The following SEMA6A variants were observed in gnomAD, a reference collection of about 807,000 sequenced individuals.
SEMA6A encodes semaphorin-6A.
A neutral mutation model predicts 96.8 loss-of-function variants in SEMA6A; 25 were observed. That is an observed-to-expected ratio of 0.26 (90% confidence interval 0.19 to 0.36). The LOEUF is 0.36. SEMA6A is among the 10% of genes least tolerant of loss of function. The probability of loss-of-function intolerance (pLI) is 1.00; values close to 1 mark genes in which losing one functional copy is unlikely to be tolerated. For missense variants in SEMA6A, 1,363 were observed against 1,323.1 expected (o/e 1.03, Z -0.47); for synonymous variants, 612 against 518.0 (o/e 1.18, Z -2.46).
At position 116,529,695 on chromosome 5, in the gene SEMA6A, T is replaced by C. The variant is rs1186553714; in HGVS notation, c.-38-24713A>G. On this transcript the variant is annotated intron_variant, in intron 1 of 18. Transcript: ENST00000343348. ...AAGAAAGAGAAAGAAAGAGTTGTTT[T>C]ATGGTTTAAAACTAGGCATTAGCTG... 4.6e-5 allele frequency among the ~76,000 whole-genome samples: 7 copies of C among 152,286 alleles called. No individual in the cohort carries two copies. The East Asian group carries it at 5.8e-4, about 13-fold the overall frequency.
intron 1 of SEMA6A, among the ~76,000 whole-genome samples, chr5:116,563,846 C>T (rs570008596): frequency 6.6e-6 from 1 of 152,312 alleles, no homozygotes; most frequent in South Asian, 2.1e-4. Flanking sequence ...CTTACCCTGC[C>T]AAATAATCAG....
chr5:116,549,791 AAC>A (rs1439943121), intron 1 of SEMA6A, among the ~76,000 whole-genome samples: 3 of 152,174 alleles, frequency 2.0e-5, no homozygotes, highest in Non-Finnish European at 4.4e-5. Context: ...TACAAATTAT[AAC>A]ACTTTTCAGA....
chr5:116,557,851 C>T (rs1760668026), intron 1 of SEMA6A, among the ~76,000 whole-genome samples: 1 of 152,170 alleles, frequency 6.6e-6, no homozygotes, highest in South Asian at 2.1e-4. Flanking sequence ...AGTGGTTGTG[C>T]TGAGATTCAG....
At chr5:116,533,765 A>G (rs923159349) in intron 1 of SEMA6A, among the ~76,000 whole-genome samples, 1 of 152,154 alleles carries the variant, frequency 6.6e-6, no homozygotes, top group African/African-American at 2.4e-5. Flanking sequence ...GATCTTTATC[A>G]GGGGACAAAC....
intron 10 of SEMA6A, 117 bp downstream of exon 10, chr5:116,486,632 T>C: frequency 1.3e-6 from 1 of 794,704 alleles, no homozygotes; most frequent in African/African-American, 1.7e-5. Flanking sequence ...GCTTCTTAGC[T>C]ACACACAATG....
chr5:116,539,572 C>T (rs1759871412), intron 1 of SEMA6A, among the ~76,000 whole-genome samples: 1 of 149,974 alleles, frequency 6.7e-6, no homozygotes, highest in Admixed American at 6.6e-5. Context: ...CAGTGCAATA[C>T]ATTTTAATAA....
intron 18 of SEMA6A, among the ~76,000 whole-genome samples, chr5:116,455,139 G>A (rs766417636): frequency 1.3e-5 from 2 of 152,124 alleles, no homozygotes; most frequent in Non-Finnish European, 2.9e-5. Context: ...CATTTTTTTA[G>A]AGAAGAAACA....
At chr5:116,467,525 T>G in intron 18 of SEMA6A, 58 bp downstream of exon 18, 1 of 1,524,238 alleles carries the variant, frequency 6.6e-7, no homozygotes, top group Non-Finnish European at 8.8e-7. Flanking sequence ...AGTTACACAG[T>G]CCTCCCCACT....
At chr5:116,523,003 C>T (rs73781649) in intron 1 of SEMA6A, among the ~76,000 whole-genome samples, 5,503 of 152,188 alleles carry the variant, frequency 0.036, 322 homozygotes, top group African/African-American at 0.13. Context: ...ATCAGGAGAG[C>T]GAGGAGGGCA....
intron 1 of SEMA6A, among the ~76,000 whole-genome samples, chr5:116,532,803 T>C (rs1408500337): frequency 6.6e-6 from 1 of 152,196 alleles, no homozygotes; most frequent in Non-Finnish European, 1.5e-5. Context: ...TGTTATTCTC[T>C]CAAACTCCAG....
At position 116,488,972 on chromosome 5, in the gene SEMA6A, G is replaced by T; in HGVS notation, c.571C>A (p.Leu191Ile). The change falls in exon 8 of 19, where the codon CTT becomes ATT. Residue 191 changes from leucine (L) to isoleucine (I), a missense_variant. Physicochemically the swap from Leu to Ile is conservative, Grantham distance 5. This residue lies in a region of SEMA6A where 480 missense variants were observed against 559.5 expected (regional missense o/e 0.86). Transcript: ENST00000343348. Reference protein sequence around the residue: ...KLYSATVTDFLAIDAVIYRSL... With the variant: ...KLYSATVTDFIAIDAVIYRSL... ...CGGTAAATGACTGCGTCAATGGCAA[G>T]GAAGTCAGTCACTGTGGCTGAGTAT... 1 of 1,582,564 alleles carries T rather than the reference G, an allele frequency of 6.3e-7. No individual in the cohort carries two copies. Among genetic ancestry groups the T allele is most frequent in the East Asian group, 2.3e-5 (1 of 43,618 alleles).
chr5:116,452,322 C>T (rs184707315), intron 18 of SEMA6A, among the ~76,000 whole-genome samples: 1 of 152,172 alleles, frequency 6.6e-6, no homozygotes, highest in Admixed American at 6.5e-5. Context: ...TTAGTCTTTC[C>T]ACCTTCCTAT....
Position 116,447,609 on chromosome 5 carries a change from C to G in SEMA6A, c.2097G>C (p.Met699Ile). 6.2e-7 allele frequency: 1 copy of G among 1,614,014 alleles called. No homozygotes were observed. Among genetic ancestry groups the G allele is most frequent in the Non-Finnish European group, 8.5e-7 (1 of 1,179,888 alleles). Residue 699 changes from methionine (M) to isoleucine (I), a missense_variant, in exon 19 of 19, where the codon ATG becomes ATC. Physicochemically the swap from Met to Ile is conservative, Grantham distance 10. Coordinates refer to ENST00000343348, the MANE Select transcript of SEMA6A (RefSeq NM_020796.5). ...KELTHSRRGS[M>I]SSVTKLSGLF... ...GGCCGCTGAGCTTGGTGACGCTGCT[C>G]ATGGAGCCCCGGCGCGAGTGGGTGA...
intron 1 of SEMA6A, among the ~76,000 whole-genome samples, chr5:116,522,781 CT>C (rs1561515236): frequency 1.3e-5 from 2 of 152,138 alleles, no homozygotes; most frequent in Admixed American, 6.5e-5. Flanking sequence ...CACCTGCCCC[CT>C]TGTTCTCTGT....
At chr5:116,510,375 G>A (rs1484792251) in intron 1 of SEMA6A, among the ~76,000 whole-genome samples, 1 of 152,136 alleles carries the variant, frequency 6.6e-6, no homozygotes, top group African/African-American at 2.4e-5. Context: ...AAACTCCTAC[G>A]TGACATCAAA....
chr5:116,533,172 C>T (rs188983881), intron 1 of SEMA6A, among the ~76,000 whole-genome samples: 1 of 152,182 alleles, frequency 6.6e-6, no homozygotes, highest in East Asian at 1.9e-4. Context: ...TCAAAATGCT[C>T]TGTACAACTA....
intron 8 of SEMA6A, among the ~76,000 whole-genome samples, chr5:116,488,438 A>G (rs774851423): frequency 2.6e-5 from 4 of 152,236 alleles, no homozygotes; most frequent in Non-Finnish European, 4.4e-5. Context: ...GGAATTTTGC[A>G]TATCTCTGTA....
Position 116,445,312 on chromosome 5 carries a change from T to C in SEMA6A, c.*1301A>G, listed in dbSNP as rs919307315. On this transcript the variant is annotated 3_prime_UTR_variant, in exon 19 of 19. Coordinates refer to ENST00000343348, the MANE Select transcript of SEMA6A (RefSeq NM_020796.5). ...CACAACTCAAGGTGTAAGGCACAAATTTACATGTGGAAAACAGGCTATTCA... is the reference window on the plus strand; with the variant it reads ...CACAACTCAAGGTGTAAGGCACAAACTTACATGTGGAAAACAGGCTATTCA... 3 of 152,614 alleles carry C rather than the reference T, an allele frequency of 2.0e-5. No homozygotes were observed. The highest frequency in any genetic ancestry group is 2.9e-5 in the Non-Finnish European group (2 of 68,028). 9.5% of individuals were successfully genotyped at this position (152,614 alleles called of 1,614,324 possible).
intron 1 of SEMA6A, among the ~76,000 whole-genome samples, chr5:116,553,671 C>T (rs1446423613): frequency 6.6e-6 from 1 of 152,280 alleles, no homozygotes; most frequent in South Asian, 2.1e-4. Context: ...TGGGCATATT[C>T]TAGCTCCTTT....
Sources: allele counts gnomAD v4.1 joint callset (sites outside exome capture counted in the v4.1 genomes callset), GRCh38; gene constraint gnomAD v4.1.1; regional missense constraint gnomAD v4.1.1; transcripts MANE v1.5; gene names NCBI Gene and HGNC (gene_info 2026-07-23, HGNC 2026-07-21).